FAT3: variants seen among roughly 807,000 people sequenced by gnomAD.
The protein encoded by FAT3 is FAT atypical cadherin 3.
A neutral mutation model predicts 310.2 loss-of-function variants in FAT3; 95 were observed. That is an observed-to-expected ratio of 0.31 (90% CI 0.26 to 0.36). The LOEUF (loss-of-function observed/expected upper bound fraction) is 0.36, where lower values mean the gene tolerates loss of function less well. Among genes scored for constraint, FAT3 ranks in the 10% least tolerant of loss-of-function variants. The pLI is 1.00. For synonymous variants in FAT3, 2,314 were observed against 2,192.9 expected (o/e 1.06, Z -1.54); for missense variants, 5,408 against 5,715.6 (o/e 0.95, Z 1.74).
intron 1 of FAT3, among the ~76,000 whole-genome samples, chr11:92,277,635 T>C (rs1946308403): frequency 6.6e-6 from 1 of 151,976 alleles, no homozygotes; most frequent in Non-Finnish European, 1.5e-5. Flanking sequence ...TGTTCCCACT[T>C]GTAAGTGGTA....
At chr11:92,818,870 C>T (rs112332453) in intron 13 of FAT3, among the ~76,000 whole-genome samples, 107 of 152,262 alleles carry the variant, frequency 7.0e-4, no homozygotes, top group Admixed American at 2.2e-3. Flanking sequence ...CTGATTATCC[C>T]GACAGAGAGC....
chr11:92,409,059 G>T (rs1379067945), intron 2 of FAT3, among the ~76,000 whole-genome samples: 2 of 151,992 alleles, frequency 1.3e-5, no homozygotes, highest in African/African-American at 4.8e-5. Flanking sequence ...TATTTCTTCT[G>T]CTGCAAATAA....
chr11:92,890,976 T>C lies in FAT3; in HGVS notation c.13633T>C (p.Ser4545Pro), dbSNP rs1949906589. The change falls in exon 28 of 28, where the codon TCA becomes CCA. Residue 4545 changes from serine (S) to proline (P), a missense_variant. Coordinates refer to ENST00000525166, the MANE Select transcript of FAT3 (RefSeq NM_001367949.2). ...GTCCTTGCACAATTCCAGAGGCACC[T>C]CATCCTCGGATGTGTCTGCCAACTG... is the stretch of plus-strand genomic sequence containing the variant. ...SLSLHNSRGT[S>P]SSDVSANCGF... The C allele has an allele frequency of 1.2e-6, 2 of 1,613,786 alleles. No homozygotes were observed. Among genetic ancestry groups the C allele is most frequent in the Non-Finnish European group, 1.7e-6 (2 of 1,179,846 alleles).
chr11:92,681,340 A>C lies in FAT3; in HGVS notation c.3608-16044A>C, dbSNP rs552301926. Among the ~76,000 whole-genome samples, 161 of 152,308 alleles carry C rather than the reference A, an allele frequency of 1.1e-3. 1 individual carries two copies. The highest frequency in any genetic ancestry group is 3.8e-3 in the African/African-American group (156 of 41,566). ...GGATTCTCTTGGGAGGTGACATTTGAACTGGGATCTGTTTGAAAAAGAAAG... is the reference window on the plus strand; with the variant it reads ...GGATTCTCTTGGGAGGTGACATTTGCACTGGGATCTGTTTGAAAAAGAAAG... On this transcript the variant is annotated intron_variant, in intron 3 of 27. Transcript: ENST00000525166.
intron 3 of FAT3, among the ~76,000 whole-genome samples, chr11:92,664,642 T>G (rs966341500): frequency 6.6e-6 from 1 of 152,192 alleles, no homozygotes; most frequent in African/African-American, 2.4e-5. Context: ...TATGACTCTT[T>G]AAAGAAAAAT....
chr11:92,377,380 A>G (rs1173762139), intron 2 of FAT3, among the ~76,000 whole-genome samples: 2 of 152,182 alleles, frequency 1.3e-5, no homozygotes, highest in African/African-American at 4.8e-5. Flanking sequence ...CCAGGAAATA[A>G]ACACTTGTTC....
At chr11:92,412,853 T>C (rs1038755703) in intron 2 of FAT3, among the ~76,000 whole-genome samples, 1 of 150,536 alleles carries the variant, frequency 6.6e-6, no homozygotes, top group South Asian at 2.1e-4. Flanking sequence ...TATACCCCCC[T>C]ACACACACAT....
chr11:92,410,664 A>T (rs1950236427), intron 2 of FAT3, among the ~76,000 whole-genome samples: 2 of 151,902 alleles, frequency 1.3e-5, no homozygotes, highest in South Asian at 4.2e-4. Flanking sequence ...TAATGAGAAG[A>T]GGGAGTGAGT....
chr11:92,895,514 AAT>A lies in FAT3; in HGVS notation c.*4402_*4403del, dbSNP rs1397395947. ...ATAATTAGTCTCTTCTAGTGTTTAG[AAT>A]GCACTTGAGAATCGTAGAGTCATTT... On this transcript the variant is annotated 3_prime_UTR_variant, in exon 28 of 28. Transcript: ENST00000525166. The A allele has an allele frequency of 1.3e-5, 2 of 152,240 alleles. No individual in the cohort carries two copies. Among genetic ancestry groups the A allele is most frequent in the Non-Finnish European group, 2.9e-5 (2 of 68,032 alleles). 9.4% of individuals were successfully genotyped at this position (152,240 alleles called of 1,614,324 possible).
intron 3 of FAT3, among the ~76,000 whole-genome samples, chr11:92,623,174 CTACATGTTGCTACATGTTGCTACATT>C (rs762006225): frequency 0.57 from 87,019 of 151,944 alleles, 26,678 homozygotes; most frequent in African/African-American, 0.8. Context: ...TCCCATGTTG[CTACATGTTGCTACATGTTGCTACATT>C]AGTCAAATCT....
intron 3 of FAT3, among the ~76,000 whole-genome samples, chr11:92,654,006 C>G (rs1942481699): frequency 6.6e-6 from 1 of 152,140 alleles, no homozygotes; most frequent in African/African-American, 2.4e-5. Flanking sequence ...TTTTAAATTA[C>G]CCCATTATAA....
At chr11:92,483,192 C>T (rs1367661401) in intron 2 of FAT3, among the ~76,000 whole-genome samples, 3 of 152,294 alleles carry the variant, frequency 2.0e-5, no homozygotes, top group South Asian at 2.1e-4. Flanking sequence ...ACAGTATTTG[C>T]ACAGGCCCTG....
intron 2 of FAT3, among the ~76,000 whole-genome samples, chr11:92,390,489 C>T (rs1197050809): frequency 6.6e-6 from 1 of 152,140 alleles, no homozygotes; most frequent in Non-Finnish European, 1.5e-5. Flanking sequence ...AGTGGTTGCT[C>T]ACCATCACTT....
intron 2 of FAT3, among the ~76,000 whole-genome samples, chr11:92,421,548 T>C (rs1474015371): frequency 6.6e-6 from 1 of 152,228 alleles, no homozygotes; most frequent in African/African-American, 2.4e-5. Context: ...TGTGCTTACA[T>C]GGATTTATGA....
At chr11:92,419,429 A>C (rs1039349002) in intron 2 of FAT3, among the ~76,000 whole-genome samples, 2 of 152,136 alleles carry the variant, frequency 1.3e-5, no homozygotes, top group Non-Finnish European at 2.9e-5. Context: ...GATCCAGACT[A>C]TTCATGGGGC....
In FAT3 at chr11:92,880,952, C is replaced by T. The variant is rs373022782; in HGVS notation, c.12281+68C>T. ...ATTGCTACAACAAACCAGTAAACAA[C>T]TAATGAGGGTAAAATATTTACCACT... On this transcript the variant is annotated intron_variant, in intron 23 of 27. Transcript: ENST00000525166. The T allele has an allele frequency of 6.6e-6, 10 of 1,522,888 alleles. No homozygotes were observed. In the East Asian group the frequency reaches 9.0e-5, roughly 14 times the overall value. 94.3% of individuals were successfully genotyped at this position (1,522,888 alleles called of 1,614,324 possible). A position where few individuals can be genotyped will look rare whatever the true frequency, so the allele number is the denominator to read the frequency against.
chr11:92,631,050 A>G (rs1941540590), intron 3 of FAT3, among the ~76,000 whole-genome samples: 1 of 152,216 alleles, frequency 6.6e-6, no homozygotes, highest in South Asian at 2.1e-4. Flanking sequence ...GTATTAAGTC[A>G]AGAATTTTGA....
intron 4 of FAT3, among the ~76,000 whole-genome samples, chr11:92,742,322 G>A (rs895152967): frequency 6.6e-6 from 1 of 152,222 alleles, no homozygotes; most frequent in African/African-American, 2.4e-5. Context: ...AGAACTACAG[G>A]AGTAGGGAGT....
chr11:92,239,753 A>G (rs939517645), intron 1 of FAT3, among the ~76,000 whole-genome samples: 3 of 152,136 alleles, frequency 2.0e-5, no homozygotes, highest in Non-Finnish European at 4.4e-5. Context: ...GAATGTAAAT[A>G]AAAAGATGGA....
Sources: allele counts gnomAD v4.1 joint callset (sites outside exome capture counted in the v4.1 genomes callset), GRCh38; gene constraint gnomAD v4.1.1; transcripts MANE v1.5; gene names NCBI Gene and HGNC (gene_info 2026-07-23, HGNC 2026-07-21).